The following DPP9 variants were observed in gnomAD, a reference collection of about 807,000 sequenced individuals.
DPP9 encodes dipeptidyl peptidase 9.
In DPP9, 50 loss-of-function variants were observed where a neutral mutation model predicts 110.7. The ratio of observed to expected loss-of-function variants is 0.45; its 90% CI spans 0.36 to 0.57. The LOEUF (loss-of-function observed/expected upper bound fraction) is 0.57. DPP9 is among the 20% of genes least tolerant of loss of function. DPP9 has a pLI of 0.00. For missense variants in DPP9, 1,022 were observed against 1,217.9 expected (o/e 0.84, Z 2.39); for synonymous variants, 561 against 514.4 (o/e 1.09, Z -1.23).
At chr19:4,690,995 G>T in intron 13 of DPP9, 38 bp from the exon 14 acceptor site, 1 of 1,550,892 alleles carries the variant, frequency 6.4e-7, no homozygotes, top group African/African-American at 1.4e-5. Context: ...AGGGGCCTGG[G>T]AGGTGATGCA....
rs893874965 is a variant in DPP9, at chr19:4,722,608, G to A, written c.-88-57C>T. On this transcript the variant is annotated intron_variant, in intron 1 of 21. Transcript: ENST00000262960. ...AGGTTAATGGAAGCACCGGCCAGCC[G>A]TTCAGCCTCCCCCACTCAGGAGCTG... 34 of 701,064 alleles carry A rather than the reference G, an allele frequency of 4.8e-5. No individual in the cohort carries two copies. In the East Asian group the frequency reaches 6.2e-4, roughly 13 times the overall value. 43.4% of individuals were successfully genotyped at this position (701,064 alleles called of 1,614,324 possible). A position where few individuals can be genotyped will look rare whatever the true frequency, so the allele number is the denominator to read the frequency against.
At chr19:4,679,809 G>A (rs557604012) in intron 21 of DPP9, 26 bp downstream of exon 21, 1 of 1,547,484 alleles carries the variant, frequency 6.5e-7, no homozygotes. Flanking sequence ...CTCGCGGAGG[G>A]GCCGAAGCCC....
At chr19:4,701,502 A>G (rs1226375066) in intron 9 of DPP9, among the ~76,000 whole-genome samples, 1 of 152,228 alleles carries the variant, frequency 6.6e-6, no homozygotes, top group Non-Finnish European at 1.5e-5. Context: ...ACACCACTGT[A>G]GTGTGAGGGC....
In DPP9 at chr19:4,699,264, C is replaced by T. The variant is rs570795079; in HGVS notation, c.1074+952G>A. On this transcript the variant is annotated intron_variant, in intron 10 of 21. Coordinates refer to ENST00000262960, the MANE Select transcript of DPP9 (RefSeq NM_139159.5). ...CACACAAGGGCCTCCTTGGTTTGTC[C>T]CAGCCCTTCCATCCTCTGGTGCAGG... Among the ~76,000 whole-genome samples the T allele has an allele frequency of 3.3e-5, 5 of 151,920 alleles. No individual in the cohort carries two copies. In the South Asian group the frequency reaches 1.0e-3, roughly 32 times the overall value.
In DPP9 at chr19:4,688,806, G is replaced by T; in HGVS notation, c.1836C>A (p.Asp612Glu). 1.3e-6 allele frequency: 2 copies of T among 1,483,854 alleles called. No homozygotes were observed. The highest frequency in any genetic ancestry group is 1.8e-6 in the Non-Finnish European group (2 of 1,124,468). 91.9% of individuals were successfully genotyped at this position (1,483,854 alleles called of 1,614,324 possible). ...AGAAGCGGGGCTGCTTGTGCAGGGGGTCGTCGTCGGGGCCGCTCAGCTTGT... is the reference window on the plus strand; with the variant it reads ...AGAAGCGGGGCTGCTTGTGCAGGGGTTCGTCGTCGGGGCCGCTCAGCTTGT... ...HVYKLSGPDD[D>E]PLHKQPRFWA... Residue 612 changes from aspartate to glutamate, a missense_variant, in exon 16 of 22, where the codon GAC becomes GAA. Physicochemically the swap from Asp to Glu is conservative, Grantham distance 45. Around this residue, in one of 3 missense-constraint regions of DPP9, gnomAD observed 810 missense variants for 920.6 expected, o/e 0.88. Coordinates refer to ENST00000262960, the MANE Select transcript of DPP9 (RefSeq NM_139159.5).
At position 4,687,470 on chromosome 19, in the gene DPP9, G is replaced by A. The variant is rs191055173; in HGVS notation, c.1885+1287C>T. Reference sequence around the variant, plus strand: ...TGATGTGTGTGACGGAGCCAGCACTGGAACCCGGAGTCACCAATGCAGGGT... The same window carrying A: ...TGATGTGTGTGACGGAGCCAGCACTAGAACCCGGAGTCACCAATGCAGGGT... On this transcript the variant is annotated intron_variant, in intron 16 of 21. Coordinates refer to ENST00000262960, the MANE Select transcript of DPP9 (RefSeq NM_139159.5). The surrounding 1 kb of genome is among the most constrained non-coding windows in gnomAD (Gnocchi z 4.7). Among the ~76,000 whole-genome samples the A allele has an allele frequency of 6.6e-6, 1 of 152,346 alleles. No homozygotes were observed. The highest frequency in any genetic ancestry group is 1.9e-4 in the East Asian group (1 of 5,182).
At chr19:4,702,962 G>A in intron 7 of DPP9, among the ~76,000 whole-genome samples, 1 of 151,538 alleles carries the variant, frequency 6.6e-6, no homozygotes, top group Admixed American at 6.6e-5. Context: ...GCCGTCCAGG[G>A]CACAGCAGGG....
At chr19:4,688,930 C>G in intron 15 of DPP9, 38 bp from the exon 16 acceptor site, 8 of 1,497,766 alleles carry the variant, frequency 5.3e-6, no homozygotes, top group Non-Finnish European at 7.0e-6. Context: ...CACGGGATGC[C>G]GCTGCGCCCT....
Position 4,710,014 on chromosome 19 carries a change from T to C in DPP9, c.314-4044A>G, listed in dbSNP as rs1177046977. 6.6e-6 allele frequency among the ~76,000 whole-genome samples: 1 copy of C among 152,202 alleles called. No individual in the cohort carries two copies. Among genetic ancestry groups the C allele is most frequent in the Non-Finnish European group, 1.5e-5 (1 of 68,030 alleles). ...TCCTCGGGCGAGCTGCTGCTGGCAC[T>C]ATGATGGTGACAACTGGCCTTTGAG... On this transcript the variant is annotated intron_variant, in intron 4 of 21. Transcript: ENST00000262960. The surrounding 1 kb of genome is among the most constrained non-coding windows in gnomAD (Gnocchi z 5.6).
At position 4,704,133 on chromosome 19, in the gene DPP9, T is replaced by G; in HGVS notation, c.598A>C (p.Met200Leu). 6.2e-7 allele frequency: 1 copy of G among 1,613,906 alleles called. No individual in the cohort carries two copies. The highest frequency in any genetic ancestry group is 8.5e-7 in the Non-Finnish European group (1 of 1,179,870). ...HCRDGGKNGF[M>L]VSPMKPLEIK... Reference sequence around the variant, plus strand: ...ACACAGCCAGGGCCAGGGCTCACCATGAAGCCGTTCTTGCCGCCGTCGCGG... The same window carrying G: ...ACACAGCCAGGGCCAGGGCTCACCAGGAAGCCGTTCTTGCCGCCGTCGCGG... The change falls in exon 6 of 22, where the codon ATG (methionine) becomes CTG (leucine). Residue 200 changes from methionine to leucine, a missense_variant and splice_region_variant. Met to Leu is a conservative substitution (Grantham distance 15). This residue lies in a region of DPP9 where 810 missense variants were observed against 920.6 expected (regional missense o/e 0.88). Coordinates refer to ENST00000262960, the MANE Select transcript of DPP9 (RefSeq NM_139159.5). This position sits in a 1 kb window ranked among gnomAD's most constrained non-coding sequence, Gnocchi z 6.0.
At chr19:4,688,717 C>CGGGCGGAGGCCTCCGTG in intron 16 of DPP9, 40 bp downstream of exon 16, 1 of 1,386,976 alleles carries the variant, frequency 7.2e-7, no homozygotes, top group Non-Finnish European at 9.3e-7. Flanking sequence ...TACAGCCGGG[C>CGGGCGGAGGCCTCCGTG]GGGCGGAGGC....
intron 8 of DPP9, 119 bp downstream of exon 8, chr19:4,702,484 T>A (rs1038225646): frequency 6.5e-6 from 5 of 774,192 alleles, no homozygotes; most frequent in Non-Finnish European, 8.6e-6. Flanking sequence ...TAGGTGTTGG[T>A]ATTGACAGAC....
Position 4,676,456 on chromosome 19 carries a change from G to T in DPP9, c.*108C>A. ...CTCGGGGCTGGCCAGCGCTGGGCGG[G>T]ACAAAGTGCCTCACTGGGGCCCGCG... On this transcript the variant is annotated 3_prime_UTR_variant, in exon 22 of 22. Transcript: ENST00000262960. This position sits in a 1 kb window ranked among gnomAD's most constrained non-coding sequence, Gnocchi z 4.0. 1.0e-6 allele frequency: 1 copy of T among 975,404 alleles called. No homozygotes were observed. Among genetic ancestry groups the T allele is most frequent in the South Asian group, 1.4e-5 (1 of 71,008 alleles). The allele number at this position is 975,404 out of a possible 1,614,324, so 60.4% of individuals were successfully genotyped here. A position where few individuals can be genotyped will look rare whatever the true frequency, so the allele number is the denominator to read the frequency against.
intron 4 of DPP9, among the ~76,000 whole-genome samples, chr19:4,709,439 G>A (rs1225906459): frequency 3.3e-5 from 5 of 152,232 alleles, no homozygotes; most frequent in Non-Finnish European, 7.4e-5. Flanking sequence ...AAAATCGTGC[G>A]GAGACTCAGG....
At chr19:4,703,714 C>T (rs951293632) in intron 7 of DPP9, among the ~76,000 whole-genome samples, 172 bp downstream of exon 7, 7 of 151,636 alleles carry the variant, frequency 4.6e-5, no homozygotes, top group Non-Finnish European at 8.8e-5. Context: ...AACTACAGAG[C>T]GGCAGGGACG....
At position 4,689,585 on chromosome 19, in the gene DPP9, G is replaced by A; in HGVS notation, c.1734C>T (p.Ser578=). 6.4e-7 allele frequency: 1 copy of A among 1,566,228 alleles called. No individual in the cohort carries two copies. Among genetic ancestry groups the A allele is most frequent in the South Asian group, 1.2e-5 (1 of 85,290 alleles). Residue 578 remains serine, a synonymous_variant, in exon 15 of 22, where the codon AGC becomes AGT. Transcript: ENST00000262960. The surrounding 1 kb of genome is among the most constrained non-coding windows in gnomAD (Gnocchi z 7.0). The part of the protein sequence containing the change: ...VRLTTPGFSH[S]CSMSQNFDMF... The stretch of plus-strand genomic sequence containing the variant: ...GCGGTCCCACCTGGCTCATGGAGCA[G>A]CTATGGGAGAAGCCGGGCGTGGTGA...
chr19:4,713,149 G>A (rs2092911920), intron 4 of DPP9, among the ~76,000 whole-genome samples: 1 of 152,220 alleles, frequency 6.6e-6, no homozygotes, highest in African/African-American at 2.4e-5. Flanking sequence ...GTGGCCGGAC[G>A]GCCCCACCCC....
rs1305580936 is a variant in DPP9, at chr19:4,698,623, C to T, written c.1075-972G>A. The stretch of plus-strand genomic sequence containing the variant: ...AATTAGTTAGGTGTGGTGGTGCATG[C>T]CTGTAGTCCCAGCTACTCAAGAGGC... On this transcript the variant is annotated intron_variant, in intron 10 of 21. Transcript: ENST00000262960. This position sits in a 1 kb window ranked among gnomAD's most constrained non-coding sequence, Gnocchi z 4.2. Among the ~76,000 whole-genome samples, 1 of 152,132 alleles carries T rather than the reference C, an allele frequency of 6.6e-6. No homozygotes were observed. The highest frequency in any genetic ancestry group is 2.4e-5 in the African/African-American group (1 of 41,434).
intron 5 of DPP9, among the ~76,000 whole-genome samples, chr19:4,705,333 C>G (rs1397519886): frequency 6.6e-6 from 1 of 152,308 alleles, no homozygotes; most frequent in Non-Finnish European, 1.5e-5. Context: ...AAGAGATCCT[C>G]CCATCTCAGC....
Sources: allele counts gnomAD v4.1 joint callset (sites outside exome capture counted in the v4.1 genomes callset), GRCh38; gene constraint gnomAD v4.1.1; regional missense constraint gnomAD v4.1.1; non-coding constraint Gnocchi (gnomAD v3.1); transcripts MANE v1.5; gene names NCBI Gene and HGNC (gene_info 2026-07-23, HGNC 2026-07-21).